Variants in KIF7 observed in about 807,000 individuals in gnomAD.
The protein encoded by KIF7 is kinesin family member 7.
Under a neutral mutation model 135.7 loss-of-function variants are expected in KIF7, and 104 were observed. The ratio of observed to expected loss-of-function variants is 0.77; its 90% CI spans 0.65 to 0.90. The LOEUF is 0.90. Among genes scored for constraint, KIF7 ranks in the 40% least tolerant of loss-of-function variants. The pLI is 0.00. For synonymous variants in KIF7, 883 were observed against 809.4 expected, an observed-to-expected ratio of 1.09 and a Z score of -1.54; for missense variants, 2,005 against 1,839.1, an observed-to-expected ratio of 1.09 and a Z score of -1.65.
downstream of KIF7, chr15:89,625,862 T>G: frequency 6.5e-7 from 1 of 1,544,182 alleles, no homozygotes; most frequent in Non-Finnish European, 8.7e-7. Flanking sequence ...CACTTGGGAG[T>G]TGCTTCTTGG....
At chr15:89,647,316 T>G (rs905734506) in intron 6 of KIF7, among the ~76,000 whole-genome samples, 1 of 152,154 alleles carries the variant, frequency 6.6e-6, no homozygotes, top group African/African-American at 2.4e-5. Context: ...GCTGACCTGG[T>G]GACGCCCGGC....
chr15:89,644,997 G>C lies in KIF7; in HGVS notation c.2191+16C>G, dbSNP rs746764756. The stretch of plus-strand genomic sequence containing the variant: ...TCCCCCTCGGGTGAGAGGCCCACCT[G>C]ATGCCCACGCCTCACCTGTGCGGAC... On this transcript the variant is annotated intron_variant, in intron 10 of 18. Transcript: ENST00000394412. 10 of 1,607,098 alleles carry C rather than the reference G, an allele frequency of 6.2e-6. No individual in the cohort carries two copies. Among genetic ancestry groups the C allele is most frequent in the Non-Finnish European group, 8.5e-6 (10 of 1,179,960 alleles).
Position 89,633,765 on chromosome 15 carries a change from A to G in KIF7, c.2513T>C (p.Leu838Pro). Residue 838 changes from leucine to proline, a missense_variant, in exon 12 of 19, where the codon CTG (leucine) becomes CCG (proline). Leu to Pro is a moderately conservative substitution (Grantham distance 98). Coordinates refer to ENST00000394412, the MANE Select transcript of KIF7 (RefSeq NM_198525.3). ...CGTCTCCTCGCGAAGCCGCCTCTGC[A>G]GCTGTCCCTGCTGCTGCCGCATGAG... is the stretch of plus-strand genomic sequence containing the variant. ...VQLMRQQQGQ[L>P]QRRLREETEQ... 3 of 1,611,018 alleles carry G rather than the reference A, an allele frequency of 1.9e-6. No homozygotes were observed. In the African/African-American group the frequency reaches 4.0e-5, roughly 21 times the overall value.
At chr15:89,659,726 A>T (rs775806164), upstream of KIF7, among the ~76,000 whole-genome samples, 1 of 152,232 alleles carries the variant, frequency 6.6e-6, no homozygotes, top group Non-Finnish European at 1.5e-5. Flanking sequence ...GGATGCTGGT[A>T]AGAGGACTCA....
chr15:89,647,641 G>A lies in KIF7; in HGVS notation c.1515C>T (p.Asp505=). The A allele has an allele frequency of 1.2e-6, 2 of 1,611,922 alleles. No individual in the cohort carries two copies. Among genetic ancestry groups the A allele is most frequent in the South Asian group, 1.1e-5 (1 of 91,062 alleles). Residue 505 remains aspartate (D), a synonymous_variant, in exon 6 of 19, where the codon GAC becomes GAT. Transcript: ENST00000394412. ...QVARLEEENR[D]FLAALEDAME... ...TGGCGTCCTCCAGCGCAGCCAGAAAGTCTCGGTTCTCCTCCTCCAGCCGCG... is the reference window on the plus strand; with the variant it reads ...TGGCGTCCTCCAGCGCAGCCAGAAAATCTCGGTTCTCCTCCTCCAGCCGCG...
intron 11 of KIF7, among the ~76,000 whole-genome samples, chr15:89,634,695 G>C (rs1013287320): frequency 1.3e-5 from 2 of 152,260 alleles, no homozygotes; most frequent in African/African-American, 4.8e-5. Flanking sequence ...GAGTCTGGCT[G>C]ATTGCTAGCA....
At chr15:89,627,057 C>T (rs1215829078), downstream of KIF7, 2 of 1,614,168 alleles carry the variant, frequency 1.2e-6, no homozygotes, top group Non-Finnish European at 1.7e-6. Flanking sequence ...ACGGAAGAAG[C>T]TCATGGGAAC....
Position 89,652,713 on chromosome 15 carries a change from G to A in KIF7, c.218C>T (p.Ala73Val), listed in dbSNP as rs552362795. The change falls in exon 2 of 19, where the codon GCC (alanine) becomes GTC (valine). Residue 73 changes from alanine to valine, a missense_variant. By Grantham distance (64) the Ala-to-Val change is moderately conservative (BLOSUM62 0). Coordinates refer to ENST00000394412, the MANE Select transcript of KIF7 (RefSeq NM_198525.3). ...GGCCTCAAGGAGGGGCTGAACGCAG[G>A]CCTGGTACACGGCCTCCTGCCCCGC... ...EDAGQEAVYQ[A>V]CVQPLLEAFF... The A allele has an allele frequency of 5.8e-6, 9 of 1,551,808 alleles. No homozygotes were observed. Among genetic ancestry groups the A allele is most frequent in the Non-Finnish European group, 7.0e-6 (8 of 1,146,994 alleles).
rs1555425052 is a variant in KIF7 at position 89,649,953 on chromosome 15, C to T, written c.329-12G>A. ...CTCAAGGAGGGAGGCTGGGGAGACA[C>T]CGCAGGGCCTCCTGCCACTTCAGCT... On this transcript the variant is annotated splice_polypyrimidine_tract_variant and intron_variant, in intron 2 of 18. Coordinates refer to ENST00000394412, the MANE Select transcript of KIF7 (RefSeq NM_198525.3). The T allele has an allele frequency of 6.5e-7, 1 of 1,549,542 alleles. No individual in the cohort carries two copies.
intron 2 of KIF7, among the ~76,000 whole-genome samples, chr15:89,651,328 G>C (rs1306866389): frequency 6.6e-6 from 1 of 152,160 alleles, no homozygotes; most frequent in African/African-American, 2.4e-5. Flanking sequence ...TTGATCTCCT[G>C]ACCTCATGAT....
At chr15:89,636,947 A>G (rs1292421596) in intron 11 of KIF7, among the ~76,000 whole-genome samples, 1 of 129,880 alleles carries the variant, frequency 7.7e-6, no homozygotes, top group South Asian at 2.8e-4. Flanking sequence ...CTCCTCAGCA[A>G]ATGTAAAAGA....
chr15:89,625,257 C>A (rs757591715), downstream of KIF7: 2 of 1,613,080 alleles, frequency 1.2e-6, no homozygotes, highest in Non-Finnish European at 1.7e-6. Context: ...CCTGTACCCC[C>A]ACCCACGGCC....
downstream of KIF7, chr15:89,626,188 C>A: frequency 9.8e-7 from 1 of 1,024,984 alleles, no homozygotes. Flanking sequence ...GACTTCGCGC[C>A]TACAGCGTCA....
chr15:89,632,980 T>A lies in KIF7; in HGVS notation c.2735A>T (p.Lys912Met). 1 of 1,495,238 alleles carries A rather than the reference T, an allele frequency of 6.7e-7. No homozygotes were observed. The highest frequency in any genetic ancestry group is 9.1e-7 in the Non-Finnish European group (1 of 1,102,262). The allele number at this position is 1,495,238 out of a possible 1,614,324, so 92.6% of individuals were successfully genotyped here. Residue 912 changes from lysine to methionine, a missense_variant, in exon 14 of 19, where the codon AAG (lysine) becomes ATG (methionine). By Grantham distance (95) the Lys-to-Met change is moderately conservative. Coordinates refer to ENST00000394412, the MANE Select transcript of KIF7 (RefSeq NM_198525.3). Reference protein sequence around the residue: ...LEQQQKIEEQKKWLDQEMEKV... With the variant: ...LEQQQKIEEQMKWLDQEMEKV... ...CTCCATCTCCTGGTCCAGCCACTTC[T>A]TCTGCTCCTCAATCTTCTAAGGAAA...
intron 1 of KIF7, among the ~76,000 whole-genome samples, chr15:89,654,550 A>G (rs1040980849): frequency 3.3e-5 from 5 of 151,736 alleles, no homozygotes; most frequent in Non-Finnish European, 2.9e-5. Flanking sequence ...CACAACCCCC[A>G]GTGCTGTTCC....
intron 11 of KIF7, 140 bp from the exon 12 acceptor site, chr15:89,634,023 G>A: frequency 1.1e-6 from 1 of 889,756 alleles, no homozygotes; most frequent in Non-Finnish European, 1.8e-6. Context: ...CAGAGGCCGG[G>A]TGCGGTGGCT....
rs72437618 is a variant in KIF7 at position 89,622,314 on chromosome 15, CTT to C, written c.181-4121_181-4120del. Among the ~76,000 whole-genome samples, 981 of 152,242 alleles carry C rather than the reference CTT, an allele frequency of 6.4e-3. 17 individuals are homozygous for C. The highest frequency in any genetic ancestry group is 0.022 in the African/African-American group (927 of 41,534). ...AAACTGACTCTTGTACCCACCCCCTCTTCTCCCCTACTGCAATTCCTACCCTA... is the reference window on the plus strand; with the variant it reads ...AAACTGACTCTTGTACCCACCCCCTCCTCCCCTACTGCAATTCCTACCCTA... On this transcript the variant is annotated intron_variant and NMD_transcript_variant, in intron 1 of 2. Transcript: ENST00000558928.
intron 6 of KIF7, 122 bp downstream of exon 6, chr15:89,647,474 A>T (rs1964035663): frequency 2.3e-6 from 2 of 854,424 alleles, no homozygotes; most frequent in South Asian, 2.8e-5. Context: ...GCACCTCCTG[A>T]CTCTACACCC....
upstream of KIF7, among the ~76,000 whole-genome samples, chr15:89,657,082 C>G (rs1397996240): frequency 6.6e-6 from 1 of 152,082 alleles, no homozygotes; most frequent in Non-Finnish European, 1.5e-5. Flanking sequence ...CTGAGGCAGG[C>G]AGATCCCTTC....
Sources: allele counts gnomAD v4.1 joint callset (sites outside exome capture counted in the v4.1 genomes callset), GRCh38; gene constraint gnomAD v4.1.1; transcripts MANE v1.5; gene names NCBI Gene and HGNC (gene_info 2026-07-23, HGNC 2026-07-21).